Variants in TMEM117 observed in about 807,000 individuals in gnomAD.
TMEM117 encodes the protein transmembrane protein 117.
In TMEM117, 27 loss-of-function variants were observed where a neutral mutation model predicts 52.4. The ratio of observed to expected loss-of-function variants is 0.51; its 90% CI spans 0.38 to 0.71. The LOEUF (loss-of-function observed/expected upper bound fraction) is 0.71. Ranked by LOEUF, TMEM117 falls within the 30% of genes least tolerant of loss-of-function variation. The pLI, the probability that TMEM117 is intolerant of heterozygous loss-of-function variation, is 0.00. For synonymous variants in TMEM117, 215 were observed against 206.3 expected, an observed-to-expected ratio of 1.04 and a Z score of -0.36; for missense variants, 556 against 630.5, an observed-to-expected ratio of 0.88 and a Z score of 1.26.
intron 2 of TMEM117, among the ~76,000 whole-genome samples, chr12:43,873,527 T>C (rs916557326): frequency 2.0e-5 from 3 of 152,142 alleles, no homozygotes; most frequent in Non-Finnish European, 4.4e-5. Context: ...TTTAGCTATC[T>C]TCTTGCTTGT....
chr12:44,252,073 C>A (rs1950202709), intron 5 of TMEM117, among the ~76,000 whole-genome samples: 1 of 152,070 alleles, frequency 6.6e-6, no homozygotes. Context: ...CATATCAGTG[C>A]TTCAATTTAT....
At chr12:44,080,015 C>CAAAAA in intron 3 of TMEM117, among the ~76,000 whole-genome samples, 1 of 57,956 alleles carries the variant, frequency 1.7e-5, no homozygotes, top group African/African-American at 4.5e-5. Flanking sequence ...AACTCCATCT[C>CAAAAA]AAAAAAAAAA....
chr12:43,968,034 G>T (rs975140080), intron 3 of TMEM117, among the ~76,000 whole-genome samples: 2 of 152,124 alleles, frequency 1.3e-5, no homozygotes, highest in African/African-American at 4.8e-5. Context: ...TATGTTTATG[G>T]TAGGGGGACT....
At chr12:44,016,357 G>A (rs981708965) in intron 3 of TMEM117, among the ~76,000 whole-genome samples, 1 of 152,244 alleles carries the variant, frequency 6.6e-6, no homozygotes, top group East Asian at 1.9e-4. Context: ...ACCTAACTTT[G>A]GGAATTCACT....
chr12:44,323,624 G>A (rs926248253), intron 6 of TMEM117, among the ~76,000 whole-genome samples: 1 of 152,050 alleles, frequency 6.6e-6, no homozygotes, highest in Non-Finnish European at 1.5e-5. Context: ...GTTTTATCAG[G>A]AATTTATGAT....
At chr12:43,898,684 G>T (rs533925651) in intron 2 of TMEM117, among the ~76,000 whole-genome samples, 1 of 152,266 alleles carries the variant, frequency 6.6e-6, no homozygotes, top group East Asian at 1.9e-4. Flanking sequence ...TGTGATGTCG[G>T]TGTTAAATAA....
At chr12:44,160,570 G>A (rs913557860) in intron 4 of TMEM117, among the ~76,000 whole-genome samples, 1 of 152,188 alleles carries the variant, frequency 6.6e-6, no homozygotes, top group Non-Finnish European at 1.5e-5. Context: ...TTGGGAGGCT[G>A]AGGTGGGAGG....
intron 3 of TMEM117, among the ~76,000 whole-genome samples, chr12:43,999,133 T>G (rs1401169547): frequency 1.3e-5 from 2 of 152,206 alleles, no homozygotes; most frequent in African/African-American, 2.4e-5. Context: ...ATAAAGAAGG[T>G]GAACATATAT....
chr12:43,864,584 C>T (rs538304040), intron 2 of TMEM117, among the ~76,000 whole-genome samples: 2 of 152,096 alleles, frequency 1.3e-5, no homozygotes, highest in African/African-American at 2.4e-5. Context: ...GTAAATACAC[C>T]AGTTGACACT....
intron 5 of TMEM117, among the ~76,000 whole-genome samples, chr12:44,236,702 T>G (rs1324489467): frequency 6.6e-6 from 1 of 152,132 alleles, no homozygotes; most frequent in East Asian, 1.9e-4. Flanking sequence ...TTAAAAACAC[T>G]TTATAGCGGT....
At chr12:43,802,482 T>C in the TMEM117 span, 2 of 1,581,002 alleles carry the variant, frequency 1.3e-6, no homozygotes, top group Non-Finnish European at 8.6e-7. Flanking sequence ...AAATTATTTT[T>C]AGAAAGATAG....
At chr12:43,940,810 C>G (rs1945033205) in intron 2 of TMEM117, among the ~76,000 whole-genome samples, 1 of 152,176 alleles carries the variant, frequency 6.6e-6, no homozygotes, top group South Asian at 2.1e-4. Flanking sequence ...TCCCAAAGTG[C>G]TGGGATTACA....
At chr12:44,277,890 A>C (rs1409735649) in intron 5 of TMEM117, among the ~76,000 whole-genome samples, 2 of 149,902 alleles carry the variant, frequency 1.3e-5, no homozygotes, top group African/African-American at 4.9e-5. Flanking sequence ...CAGCCTCCTG[A>C]GTAGCTGGGA....
rs1345330244 is a variant in TMEM117 at position 43,972,707 on chromosome 12, T to C, written c.410+28365T>C. Reference sequence around the variant, plus strand: ...TTTTACAGAGCACAGATTGGTGGATTTTACAAACCTCTAGCTAGCTACAGA... The same window carrying C: ...TTTTACAGAGCACAGATTGGTGGATCTTACAAACCTCTAGCTAGCTACAGA... On this transcript the variant is annotated intron_variant, in intron 3 of 7. Transcript: ENST00000266534. Among the ~76,000 whole-genome samples, 3 of 152,072 alleles carry C rather than the reference T, an allele frequency of 2.0e-5. No individual in the cohort carries two copies. In the South Asian group the frequency reaches 6.2e-4, roughly 31 times the overall value.
In TMEM117 at chr12:43,861,662, G is replaced by A. The variant is rs12229491; in HGVS notation, c.277+16734G>A. ...TCTTTAGATACAATACTTTGAGCAAGTCTAGACATATTTTAGCTTTAGGTA... is the reference window on the plus strand; with the variant it reads ...TCTTTAGATACAATACTTTGAGCAAATCTAGACATATTTTAGCTTTAGGTA... On this transcript the variant is annotated intron_variant, in intron 2 of 7. Coordinates refer to ENST00000266534, the MANE Select transcript of TMEM117 (RefSeq NM_032256.3). Among the ~76,000 whole-genome samples the A allele has an allele frequency of 8.7e-3, 1,325 of 152,312 alleles. 37 individuals are homozygous for A. Among genetic ancestry groups the A allele is most frequent in the East Asian group, 0.067 (345 of 5,180 alleles).
chr12:43,944,668 T>C (rs2074237229), intron 3 of TMEM117, among the ~76,000 whole-genome samples: 1 of 152,182 alleles, frequency 6.6e-6, no homozygotes, highest in Non-Finnish European at 1.5e-5. Context: ...ATTCAAATGA[T>C]TCATAGAGTG....
chr12:43,895,043 T>A (rs1944175010), intron 2 of TMEM117, among the ~76,000 whole-genome samples: 1 of 152,232 alleles, frequency 6.6e-6, no homozygotes, highest in Admixed American at 6.5e-5. Context: ...ATTTGTTACA[T>A]AAGTAAACTT....
At chr12:44,188,061 TA>T (rs1428263351) in intron 4 of TMEM117, among the ~76,000 whole-genome samples, 1 of 152,030 alleles carries the variant, frequency 6.6e-6, no homozygotes, top group Non-Finnish European at 1.5e-5. Context: ...TAAAATACAA[TA>T]AAATAGTTGT....
intron 2 of TMEM117, among the ~76,000 whole-genome samples, chr12:43,860,822 G>A (rs1209634476): frequency 2.0e-5 from 3 of 152,150 alleles, no homozygotes; most frequent in Non-Finnish European, 2.9e-5. Flanking sequence ...ATATAAATCC[G>A]TATAGCTTTA....
Sources: allele counts gnomAD v4.1 joint callset (sites outside exome capture counted in the v4.1 genomes callset), GRCh38; gene constraint gnomAD v4.1.1; transcripts MANE v1.5; gene names NCBI Gene and HGNC (gene_info 2026-07-23, HGNC 2026-07-21).